The following GGACT variants were observed in gnomAD, a reference collection of about 807,000 sequenced individuals.
The protein encoded by GGACT is gamma-glutamylaminecyclotransferase.
For synonymous variants in GGACT, 118 were observed against 115.3 expected (o/e 1.02, Z -0.15); for missense variants, 241 against 233.2 (o/e 1.03, Z -0.22).
intron 2 of GGACT, among the ~76,000 whole-genome samples, chr13:100,572,965 C>A (rs1237261263): frequency 2.0e-5 from 3 of 152,118 alleles, no homozygotes; most frequent in African/African-American, 7.2e-5. Context: ...TATATAATGG[C>A]ATCTTTTATT....
intron 2 of GGACT, among the ~76,000 whole-genome samples, chr13:100,565,803 C>A (rs552816930): frequency 6.6e-6 from 1 of 152,290 alleles, no homozygotes; most frequent in Admixed American, 6.5e-5. Context: ...TGGCACCCAC[C>A]AAGCCCATGC....
chr13:100,548,220 A>G (rs113812266), intron 2 of GGACT, among the ~76,000 whole-genome samples: 15 of 152,374 alleles, frequency 9.8e-5, no homozygotes, highest in Non-Finnish European at 7.3e-5. Context: ...TTTCTAGAGC[A>G]TGGCTGCTTT....
Position 100,532,320 on chromosome 13 carries a change from G to C in GGACT, c.272C>G (p.Thr91Arg). 6.5e-7 allele frequency: 1 copy of C among 1,549,720 alleles called. No individual in the cohort carries two copies. Among genetic ancestry groups the C allele is most frequent in the South Asian group, 1.2e-5 (1 of 84,002 alleles). ...FESCPALYQR[T>R]VLRVQLLEDR... ...CTCCAGCAGCTGTACCCGCAGCACC[G>C]TGCGCTGGTACAGGGCCGGGCAACT... The change falls in exon 3 of 3, where the codon ACG (threonine) becomes AGG (arginine). Residue 91 changes from threonine (T) to arginine (R), a missense_variant. By Grantham distance (71) the Thr-to-Arg change is moderately conservative (BLOSUM62 -1). Coordinates refer to ENST00000683975, the MANE Select transcript of GGACT (RefSeq NM_001195087.2).
intron 1 of GGACT, among the ~76,000 whole-genome samples, chr13:100,588,240 G>A (rs910951036): frequency 8.5e-5 from 13 of 152,134 alleles, no homozygotes; most frequent in African/African-American, 2.9e-4. Flanking sequence ...TTTCACTAAT[G>A]GCTCCAAAGA....
At chr13:100,558,066 G>C (rs942344974) in intron 2 of GGACT, among the ~76,000 whole-genome samples, 5 of 151,908 alleles carry the variant, frequency 3.3e-5, no homozygotes, top group African/African-American at 1.2e-4. Flanking sequence ...TGTAATCCCA[G>C]CTACTCTCGA....
chr13:100,563,345 T>C (rs576253854), intron 2 of GGACT, among the ~76,000 whole-genome samples: 1 of 152,126 alleles, frequency 6.6e-6, no homozygotes, highest in Non-Finnish European at 1.5e-5. Context: ...GGATGCTTAG[T>C]GTGGAAGAGG....
Position 100,532,139 on chromosome 13 carries a change from C to T in GGACT, c.453G>A (p.Glu151=), listed in dbSNP as rs553670551. 3.9e-4 allele frequency: 565 copies of T among 1,448,134 alleles called. 10 individuals carry two copies. In the Admixed American group the frequency reaches 0.015, roughly 39 times the overall value. 89.7% of individuals were successfully genotyped at this position (1,448,134 alleles called of 1,614,324 possible). A position where few individuals can be genotyped will look rare whatever the true frequency, so the allele number is the denominator to read the frequency against. The change falls in exon 3 of 3, where the codon GAG becomes GAA. Residue 151 remains glutamate, a synonymous_variant. Coordinates refer to ENST00000683975, the MANE Select transcript of GGACT (RefSeq NM_001195087.2). ...ACCCTGCCCGTCCCCCTTATCTGTT[C>T]TCCCGGGGGTTGTAGCGCAGCCCGT... ...GPHGLRYNPR[E]NR is the part of the protein sequence containing the mutation.
intron 2 of GGACT, among the ~76,000 whole-genome samples, chr13:100,556,248 T>C (rs2088707271): frequency 6.6e-6 from 1 of 152,194 alleles, no homozygotes; most frequent in South Asian, 2.1e-4. Context: ...TACCAAAAGG[T>C]TACTAGAACT....
At chr13:100,587,491 C>T (rs999051020) in intron 1 of GGACT, among the ~76,000 whole-genome samples, 1 of 152,200 alleles carries the variant, frequency 6.6e-6, no homozygotes, top group Non-Finnish European at 1.5e-5. Flanking sequence ...GGAAGTCTGG[C>T]TTCTTCTGGG....
At chr13:100,543,955 T>C (rs2088579876) in intron 2 of GGACT, among the ~76,000 whole-genome samples, 1 of 152,202 alleles carries the variant, frequency 6.6e-6, no homozygotes, top group Admixed American at 6.5e-5. Flanking sequence ...ATCACGGCTG[T>C]ACACTGGTTT....
chr13:100,554,457 A>C (rs1459469181), intron 2 of GGACT, among the ~76,000 whole-genome samples: 1 of 152,172 alleles, frequency 6.6e-6, no homozygotes, highest in Non-Finnish European at 1.5e-5. Flanking sequence ...GCCATGGGTA[A>C]ATGTACAGAC....
In GGACT at chr13:100,531,901, G is replaced by C. The variant is rs2088393926; in HGVS notation, c.*229C>G. On this transcript the variant is annotated 3_prime_UTR_variant, in exon 3 of 3. Transcript: ENST00000683975. ...CACGAGTTCTCTAAATGTCATTTAG[G>C]GGAGTTAAAATCCTAAATTTTTCTT... The C allele has an allele frequency of 4.8e-6, 2 of 419,504 alleles. No individual in the cohort carries two copies. Among genetic ancestry groups the C allele is most frequent in the Non-Finnish European group, 8.4e-6 (2 of 238,436 alleles). 26.0% of individuals were successfully genotyped at this position (419,504 alleles called of 1,614,324 possible). A position where few individuals can be genotyped will look rare whatever the true frequency, so the allele number is the denominator to read the frequency against.
At chr13:100,557,742 A>T (rs2088722009) in intron 2 of GGACT, among the ~76,000 whole-genome samples, 1 of 152,168 alleles carries the variant, frequency 6.6e-6, no homozygotes, top group Non-Finnish European at 1.5e-5. Context: ...TAAAACACCT[A>T]CTCTCAAAAG....
At chr13:100,561,515 G>T (rs962787622) in intron 2 of GGACT, among the ~76,000 whole-genome samples, 4 of 149,296 alleles carry the variant, frequency 2.7e-5, no homozygotes, top group Admixed American at 6.8e-5. Flanking sequence ...CCCACAGAAG[G>T]CTTTCCTGGA....
chr13:100,530,365 A>ATGATT lies in GGACT; in HGVS notation c.*1760_*1764dup, dbSNP rs1206975896. On this transcript the variant is annotated 3_prime_UTR_variant, in exon 3 of 3. Transcript: ENST00000683975. ...TTCATTGATATAAATACTTGTACAT[A>ATGATT]TGATTTGTACTTCTGCTGTGAGATT... 1.6e-6 allele frequency: 1 copy of ATGATT among 632,270 alleles called. No individual in the cohort carries two copies. The highest frequency in any genetic ancestry group is 2.9e-6 in the Non-Finnish European group (1 of 350,346). 39.2% of individuals were successfully genotyped at this position (632,270 alleles called of 1,614,324 possible).
In GGACT at chr13:100,530,295, CAG is replaced by C; in HGVS notation, c.*1833_*1834del. 1.3e-6 allele frequency: 1 copy of C among 784,530 alleles called. No homozygotes were observed. The highest frequency in any genetic ancestry group is 1.5e-5 in the South Asian group (1 of 68,424). 48.6% of individuals were successfully genotyped at this position (784,530 alleles called of 1,614,324 possible). A position where few individuals can be genotyped will look rare whatever the true frequency, so the allele number is the denominator to read the frequency against. On this transcript the variant is annotated 3_prime_UTR_variant, in exon 3 of 3. Coordinates refer to ENST00000683975, the MANE Select transcript of GGACT (RefSeq NM_001195087.2). ...TACGTTTACGTCGTCATTTATTCCA[CAG>C]AGTCAAGACCAATATTCTGCCAAAA...
At chr13:100,587,289 TG>T (rs1273943067) in intron 1 of GGACT, 2 of 152,248 alleles carry the variant, frequency 1.3e-5, no homozygotes, top group African/African-American at 4.8e-5. Context: ...TTCTGCTTAC[TG>T]CTACCTACTA....
At chr13:100,586,229 T>C (rs1189991271) in intron 1 of GGACT, among the ~76,000 whole-genome samples, 1 of 152,122 alleles carries the variant, frequency 6.6e-6, no homozygotes, top group Non-Finnish European at 1.5e-5. Context: ...TGAAGTGTTA[T>C]GTTGTCTGGA....
At chr13:100,563,543 T>A (rs906333162) in intron 2 of GGACT, among the ~76,000 whole-genome samples, 1 of 152,230 alleles carries the variant, frequency 6.6e-6, no homozygotes, top group Admixed American at 6.5e-5. Flanking sequence ...AAGCTGGGCA[T>A]GGTGGCACAT....
Sources: allele counts gnomAD v4.1 joint callset (sites outside exome capture counted in the v4.1 genomes callset), GRCh38; gene constraint gnomAD v4.1.1; transcripts MANE v1.5; gene names NCBI Gene and HGNC (gene_info 2026-07-23, HGNC 2026-07-21).